The following SDK1 variants were observed in gnomAD, a reference collection of about 807,000 sequenced individuals.
The protein encoded by SDK1 is sidekick cell adhesion molecule 1.
SDK1 carries 157 observed loss-of-function variants against 245.5 expected under a neutral mutation model. The observed-to-expected ratio is 0.64, with a 90% CI of 0.56 to 0.73. SDK1 has a LOEUF of 0.73. SDK1 is among the 30% of genes least tolerant of loss of function. SDK1 has a pLI of 0.00. For synonymous variants in SDK1, 1,647 were observed against 1,278.5 expected (o/e 1.29, Z -6.15); for missense variants, 3,583 against 3,002.3 (o/e 1.19, Z -4.52).
intron 4 of SDK1, among the ~76,000 whole-genome samples, chr7:3,757,434 A>T (rs1779965434): frequency 6.6e-6 from 1 of 152,054 alleles, no homozygotes; most frequent in Non-Finnish European, 1.5e-5. Context: ...ATGGGGTCTC[A>T]CTGTGTTGCC....
intron 1 of SDK1, among the ~76,000 whole-genome samples, chr7:3,410,810 C>G (rs1434267272): frequency 6.6e-6 from 1 of 152,042 alleles, no homozygotes; most frequent in African/African-American, 2.4e-5. Flanking sequence ...TGGTCTCGAA[C>G]TCCTGACCTC....
chr7:3,521,958 A>T (rs1015294590), intron 1 of SDK1, among the ~76,000 whole-genome samples: 1 of 151,992 alleles, frequency 6.6e-6, no homozygotes, highest in Non-Finnish European at 1.5e-5. Context: ...GGACAGAGAG[A>T]AGGTGGAGAA....
At chr7:4,253,951 T>G (rs2128241542) in intron 44 of SDK1, among the ~76,000 whole-genome samples, 1 of 152,302 alleles carries the variant, frequency 6.6e-6, no homozygotes. Context: ...ATATATCATT[T>G]TGATTTCCTT....
chr7:3,790,509 TTAAAAAGTC>T, intron 4 of SDK1, among the ~76,000 whole-genome samples: 1 of 152,072 alleles, frequency 6.6e-6, no homozygotes, highest in Non-Finnish European at 1.5e-5. Flanking sequence ...GATCACATGG[TTAAAAAGTC>T]TAACAGTCGG....
chr7:3,505,669 C>T (rs964497040), intron 1 of SDK1, among the ~76,000 whole-genome samples: 1 of 152,066 alleles, frequency 6.6e-6, no homozygotes, highest in African/African-American at 2.4e-5. Context: ...TGATTTTTTT[C>T]AATAAATAAA....
At position 3,468,685 on chromosome 7, in the gene SDK1, G is replaced by C. The variant is rs536984234; in HGVS notation, c.299-150395G>C. Reference sequence around the variant, plus strand: ...AGAGAGGCCAGGAAGAATCCTGCTGGGTTTCCGAACTCAGTCTGTTAGCAT... The same window carrying C: ...AGAGAGGCCAGGAAGAATCCTGCTGCGTTTCCGAACTCAGTCTGTTAGCAT... On this transcript the variant is annotated intron_variant, in intron 1 of 44. Transcript: ENST00000404826. Among the ~76,000 whole-genome samples, 19 of 152,204 alleles carry C rather than the reference G, an allele frequency of 1.2e-4. No homozygotes were observed. The South Asian group carries it at 3.9e-3, about 32-fold the overall frequency.
intron 1 of SDK1, among the ~76,000 whole-genome samples, chr7:3,542,162 A>G (rs541320840): frequency 2.4e-4 from 36 of 152,338 alleles, no homozygotes; most frequent in Middle Eastern, 3.4e-3. Context: ...TTAATTCCCA[A>G]TGATAGATTT....
intron 28 of SDK1, 118 bp from the exon 29 acceptor site, chr7:4,145,604 C>A: frequency 1.1e-6 from 1 of 900,400 alleles, no homozygotes; most frequent in Non-Finnish European, 1.7e-6. Context: ...GCAGTGACCT[C>A]CAGAGACGGG....
intron 1 of SDK1, among the ~76,000 whole-genome samples, chr7:3,344,837 A>G (rs1441757373): frequency 6.6e-6 from 1 of 152,166 alleles, no homozygotes. Context: ...TCAGAAAATG[A>G]TGAGTGGTGA....
intron 1 of SDK1, among the ~76,000 whole-genome samples, chr7:3,591,330 C>T (rs945305976): frequency 3.3e-5 from 5 of 152,186 alleles, no homozygotes; most frequent in African/African-American, 7.2e-5. Context: ...TGCTCTGAGC[C>T]TGCAGGGCAC....
In SDK1 at chr7:3,396,591, C is replaced by A. The variant is rs187006771; in HGVS notation, c.298+94707C>A. 3.3e-5 allele frequency among the ~76,000 whole-genome samples: 5 copies of A among 151,724 alleles called. No individual in the cohort carries two copies. The East Asian group carries it at 9.7e-4, about 29-fold the overall frequency. ...ATTGTTATCTTTACCTGCTGAATTACCCTCTTATTATAAAATTTCCTTTTC... is the reference window on the plus strand; with the variant it reads ...ATTGTTATCTTTACCTGCTGAATTAACCTCTTATTATAAAATTTCCTTTTC... On this transcript the variant is annotated intron_variant, in intron 1 of 44. Transcript: ENST00000404826.
intron 4 of SDK1, among the ~76,000 whole-genome samples, chr7:3,774,334 G>A (rs1780489265): frequency 1.3e-5 from 2 of 152,018 alleles, no homozygotes; most frequent in Admixed American, 6.6e-5. Flanking sequence ...TGGCCTCTTT[G>A]TCTGCACCTC....
chr7:3,321,808 CCTTCCTTCCTTCCTT>C (rs1779818610), intron 1 of SDK1, among the ~76,000 whole-genome samples: 6 of 123,220 alleles, frequency 4.9e-5, no homozygotes, highest in African/African-American at 6.6e-5. Flanking sequence ...TTCCTTCCTT[CCTTCCTTCCTTCCTT>C]CCTTCCTCCT....
intron 1 of SDK1, among the ~76,000 whole-genome samples, chr7:3,567,756 C>G (rs1221961343): frequency 1.3e-5 from 2 of 152,138 alleles, no homozygotes; most frequent in African/African-American, 4.8e-5. Flanking sequence ...CCTTTGATGG[C>G]TGCATAACAT....
At chr7:3,499,926 G>C (rs1412309088) in intron 1 of SDK1, among the ~76,000 whole-genome samples, 1 of 152,186 alleles carries the variant, frequency 6.6e-6, no homozygotes, top group Non-Finnish European at 1.5e-5. Flanking sequence ...GGCCATTATA[G>C]GGTGAAAGGA....
chr7:3,511,859 C>G (rs377134595), intron 1 of SDK1, among the ~76,000 whole-genome samples: 136 of 149,068 alleles, frequency 9.1e-4, no homozygotes, highest in Admixed American at 1.5e-3. Flanking sequence ...AGCTGGTACA[C>G]TGATATCTCG....
chr7:3,322,331 CTG>C (rs1340482107), intron 1 of SDK1, among the ~76,000 whole-genome samples: 1 of 152,194 alleles, frequency 6.6e-6, no homozygotes, highest in Non-Finnish European at 1.5e-5. Context: ...CTTTTTATGA[CTG>C]AATAATATTC....
chr7:3,426,464 C>T (rs182660303), intron 1 of SDK1, among the ~76,000 whole-genome samples: 10 of 152,298 alleles, frequency 6.6e-5, no homozygotes, highest in Middle Eastern at 3.4e-3. Flanking sequence ...TCCTCATTTC[C>T]CTTCTCTCTA....
intron 1 of SDK1, among the ~76,000 whole-genome samples, chr7:3,482,568 G>A (rs542826692): frequency 6.6e-6 from 1 of 152,162 alleles, no homozygotes; most frequent in Non-Finnish European, 1.5e-5. Context: ...GAGTAGCAAG[G>A]AAAGCGCTTC....
Sources: gnomAD v4.1 joint callset for allele counts (sites outside exome capture counted in the v4.1 genomes callset) on GRCh38, gnomAD v4.1.1 for gene constraint, MANE v1.5 for transcripts, NCBI Gene and HGNC (gene_info 2026-07-23, HGNC 2026-07-21) for gene names.